The following TAFA1 variants were observed in gnomAD, a reference collection of about 807,000 sequenced individuals.
TAFA1 encodes the protein chemokine-like protein TAFA-1.
In TAFA1, 4 loss-of-function variants were observed where a neutral mutation model predicts 18.5. That is an observed-to-expected ratio of 0.22 (90% confidence interval 0.11 to 0.49). The LOEUF (loss-of-function observed/expected upper bound fraction) is 0.49, where lower values mean the gene tolerates loss of function less well. TAFA1 is among the 20% of genes least tolerant of loss of function. TAFA1 has a pLI of 0.98. For synonymous variants in TAFA1, 56 were observed against 55.2 expected (o/e 1.01, Z -0.06); for missense variants, 147 against 169.0 (o/e 0.87, Z 0.72).
intron 2 of TAFA1, among the ~76,000 whole-genome samples, chr3:68,089,529 A>G (rs978530200): frequency 6.6e-6 from 1 of 152,176 alleles, no homozygotes; most frequent in Non-Finnish European, 1.5e-5. Context: ...AGGGTATAAG[A>G]GAGAAGGCAA....
At chr3:68,120,253 CTTTCTTTCTTTTT>C (rs2065382735) in intron 2 of TAFA1, among the ~76,000 whole-genome samples, 1 of 56,522 alleles carries the variant, frequency 1.8e-5, no homozygotes, top group Non-Finnish European at 3.7e-5. Flanking sequence ...TTCTTTCTTT[CTTTCTTTCTTTTT>C]TGAGACAGAG....
chr3:68,498,460 T>C (rs2072591570), intron 3 of TAFA1, among the ~76,000 whole-genome samples: 1 of 152,122 alleles, frequency 6.6e-6, no homozygotes, highest in Non-Finnish European at 1.5e-5. Context: ...AAAATATGAA[T>C]ACCAAATTAC....
chr3:68,131,883 C>A (rs150148414), intron 2 of TAFA1, among the ~76,000 whole-genome samples: 2 of 146,514 alleles, frequency 1.4e-5, no homozygotes, highest in Non-Finnish European at 3.0e-5. Flanking sequence ...TATTTTTTAA[C>A]CTTTTTTTTT....
intron 2 of TAFA1, among the ~76,000 whole-genome samples, chr3:68,040,518 T>A (rs1242035763): frequency 6.6e-6 from 1 of 152,122 alleles, no homozygotes; most frequent in Admixed American, 6.5e-5. Flanking sequence ...TAATACCGAC[T>A]AAAGAGAATG....
intron 2 of TAFA1, among the ~76,000 whole-genome samples, chr3:68,086,406 G>T (rs1206692167): frequency 6.6e-6 from 1 of 152,092 alleles, no homozygotes; most frequent in Non-Finnish European, 1.5e-5. Flanking sequence ...CTTTCTCTTT[G>T]TCCTCTGATT....
In TAFA1 at chr3:68,544,613, G is replaced by C; in HGVS notation, c.*110G>C. 9.1e-7 allele frequency: 1 copy of C among 1,093,568 alleles called. No homozygotes were observed. The highest frequency in any genetic ancestry group is 1.4e-6 in the Non-Finnish European group (1 of 727,114). The allele number at this position is 1,093,568 out of a possible 1,614,324, so 67.7% of individuals were successfully genotyped here. A position where few individuals can be genotyped will look rare whatever the true frequency, so the allele number is the denominator to read the frequency against. On this transcript the variant is annotated 3_prime_UTR_variant, in exon 5 of 5. Transcript: ENST00000478136. ...CAAATGGATTTCTTACTTGCACTTT[G>C]ACTGGCTACCAGATAATCACAGTGC...
At chr3:68,032,421 T>G (rs891622856) in intron 2 of TAFA1, among the ~76,000 whole-genome samples, 3 of 152,130 alleles carry the variant, frequency 2.0e-5, no homozygotes, top group African/African-American at 7.2e-5. Context: ...CAGAGCTCAT[T>G]TCAACTCACT....
In TAFA1 at chr3:68,084,465, C is replaced by T. The variant is rs552272314; in HGVS notation, c.118+77721C>T. Among the ~76,000 whole-genome samples the T allele has an allele frequency of 2.8e-4, 42 of 152,218 alleles. 1 individual carries two copies. The highest frequency in any genetic ancestry group is 1.6e-3 in the Admixed American group (25 of 15,292). ...TCTCTGCCAGGATGCTTCCAAAATT[C>T]GGGTTTCACCTCTAACTCTTAGTCT... is the stretch of plus-strand genomic sequence containing the variant. On this transcript the variant is annotated intron_variant, in intron 2 of 4. Coordinates refer to ENST00000478136, the MANE Select transcript of TAFA1 (RefSeq NM_213609.4).
intron 2 of TAFA1, chr3:68,145,168 T>C: frequency 1.2e-6 from 1 of 842,904 alleles, no homozygotes; most frequent in Non-Finnish European, 2.1e-6. Flanking sequence ...ATGCAAGATA[T>C]CTTTGGAAAA....
chr3:68,134,249 G>A (rs2106888212), intron 2 of TAFA1, among the ~76,000 whole-genome samples: 1 of 152,204 alleles, frequency 6.6e-6, no homozygotes, highest in South Asian at 2.1e-4. Flanking sequence ...TTCTGAAGGT[G>A]AACAAGGACA....
chr3:68,351,893 T>A (rs2069277286), intron 2 of TAFA1, among the ~76,000 whole-genome samples: 2 of 151,964 alleles, frequency 1.3e-5, no homozygotes, highest in South Asian at 4.1e-4. Flanking sequence ...CAGAGAGCTA[T>A]CCTACATCTG....
chr3:68,495,998 CA>C (rs199520960), intron 3 of TAFA1, among the ~76,000 whole-genome samples: 1,224 of 106,878 alleles, frequency 0.011, 4 homozygotes, highest in African/African-American at 0.042. Flanking sequence ...TTCCCTGAAG[CA>C]AAAAAAAAAA....
chr3:68,187,146 TA>T, intron 2 of TAFA1, among the ~76,000 whole-genome samples: 1 of 152,106 alleles, frequency 6.6e-6, no homozygotes, highest in East Asian at 1.9e-4. Flanking sequence ...GATTAAAAAA[TA>T]AAACATGAAT....
intron 2 of TAFA1, among the ~76,000 whole-genome samples, chr3:68,274,279 G>C (rs2067744960): frequency 6.6e-6 from 1 of 152,116 alleles, no homozygotes; most frequent in Admixed American, 6.6e-5. Context: ...AAGGACAAAA[G>C]ATTAAAAAGA....
intron 3 of TAFA1, among the ~76,000 whole-genome samples, chr3:68,456,382 C>T (rs1430262533): frequency 6.6e-6 from 1 of 152,056 alleles, no homozygotes; most frequent in Non-Finnish European, 1.5e-5. Context: ...GAATAGGACA[C>T]TTTCATCTTC....
chr3:68,326,849 C>G (rs1486990264), intron 2 of TAFA1, among the ~76,000 whole-genome samples: 1 of 152,080 alleles, frequency 6.6e-6, no homozygotes, highest in Non-Finnish European at 1.5e-5. Flanking sequence ...GTGACAAACC[C>G]AAAACCACAA....
At chr3:68,171,721 G>C (rs2066056197) in intron 2 of TAFA1, among the ~76,000 whole-genome samples, 1 of 152,044 alleles carries the variant, frequency 6.6e-6, no homozygotes, top group South Asian at 2.1e-4. Flanking sequence ...GCAATGTCTT[G>C]CCAAATACAA....
At chr3:68,315,059 T>A (rs1202832425) in intron 2 of TAFA1, among the ~76,000 whole-genome samples, 1 of 152,100 alleles carries the variant, frequency 6.6e-6, no homozygotes, top group Admixed American at 6.6e-5. Context: ...TAAAGGCTCA[T>A]GGAATATTCT....
chr3:68,111,943 A>T (rs2106838354), intron 2 of TAFA1, among the ~76,000 whole-genome samples: 1 of 152,282 alleles, frequency 6.6e-6, no homozygotes, highest in African/African-American at 2.4e-5. Flanking sequence ...TTATTTCACT[A>T]AAAGAATAGG....
Sources: allele counts gnomAD v4.1 joint callset (sites outside exome capture counted in the v4.1 genomes callset), GRCh38; gene constraint gnomAD v4.1.1; transcripts MANE v1.5; gene names NCBI Gene and HGNC (gene_info 2026-07-23, HGNC 2026-07-21).